FAT1: variants seen among roughly 807,000 people sequenced by gnomAD.
The protein encoded by FAT1 is FAT atypical cadherin 1, also known as protocadherin Fat 1.
FAT1 carries 171 observed loss-of-function variants against 329.8 expected under a neutral mutation model. The observed-to-expected ratio is 0.52, with a 90% CI of 0.46 to 0.59. FAT1 has a LOEUF of 0.59. FAT1 is among the 20% of genes least tolerant of loss of function. FAT1 has a pLI of 0.00. For synonymous variants in FAT1, 2,233 were observed against 2,228.6 expected, an observed-to-expected ratio of 1.00 and a Z score of -0.06; for missense variants, 5,672 against 5,774.4, an observed-to-expected ratio of 0.98 and a Z score of 0.57.
At chr4:186,632,597 A>C (rs1004190498) in intron 7 of FAT1, among the ~76,000 whole-genome samples, 2 of 152,220 alleles carry the variant, frequency 1.3e-5, no homozygotes, top group Non-Finnish European at 2.9e-5. Context: ...AAATGACCCC[A>C]AAAGCATATA....
intron 3 of FAT1, among the ~76,000 whole-genome samples, chr4:186,660,659 A>G (rs1201775441): frequency 6.6e-6 from 1 of 152,194 alleles, no homozygotes; most frequent in Non-Finnish European, 1.5e-5. Context: ...GAGAGGGTTT[A>G]TTCCTTCTGA....
intron 3 of FAT1, among the ~76,000 whole-genome samples, chr4:186,641,992 G>A (rs1741119480): frequency 6.8e-6 from 1 of 146,186 alleles, no homozygotes. Context: ...GGGCGACAGA[G>A]CAAAACTCTG....
At chr4:186,650,141 G>A (rs925361314) in intron 3 of FAT1, among the ~76,000 whole-genome samples, 9 of 152,166 alleles carry the variant, frequency 5.9e-5, no homozygotes, top group African/African-American at 2.2e-4. Flanking sequence ...ATTCCCAAGT[G>A]GAGTCATGCT....
In FAT1 at chr4:186,621,247, A is replaced by G; in HGVS notation, c.5339T>C (p.Ile1780Thr). ...CCTGTCTGTTAGGACCACGCTGTTAATTGAGGCTGATTCACTAATGAGTCC... is the reference window on the plus strand; with the variant it reads ...CCTGTCTGTTAGGACCACGCTGTTAGTTGAGGCTGATTCACTAATGAGTCC... ...YTGLISESAS[I>T]NSVVLTDRNV... Residue 1780 changes from isoleucine to threonine, a missense_variant, in exon 10 of 27, where the codon ATT (isoleucine) becomes ACT (threonine). By Grantham distance (89) the Ile-to-Thr change is moderately conservative (BLOSUM62 -1). Coordinates refer to ENST00000441802, the MANE Select transcript of FAT1 (RefSeq NM_005245.4). 6.2e-7 allele frequency: 1 copy of G among 1,614,038 alleles called. No individual in the cohort carries two copies.
At chr4:186,602,840 A>G (rs1002992943) in intron 20 of FAT1, 63 bp downstream of exon 20, 13 of 1,528,332 alleles carry the variant, frequency 8.5e-6, no homozygotes, top group Non-Finnish European at 1.2e-5. Flanking sequence ...AAAGAAGAAA[A>G]TGGTAAGAAA....
At chr4:186,672,762 C>T (rs982224847) in intron 2 of FAT1, among the ~76,000 whole-genome samples, 1 of 152,200 alleles carries the variant, frequency 6.6e-6, no homozygotes, top group Non-Finnish European at 1.5e-5. Context: ...CCCTAAAAGT[C>T]AGGTTCCAGA....
At chr4:186,668,335 TGA>T (rs1742558335) in intron 2 of FAT1, among the ~76,000 whole-genome samples, 1 of 151,818 alleles carries the variant, frequency 6.6e-6, no homozygotes. Context: ...GATGGCTGAG[TGA>T]GAGTCTAGAT....
Position 186,683,950 on chromosome 4 carries a change from A to C in FAT1, c.3266-20337T>G, listed in dbSNP as rs533348423. 5.3e-5 allele frequency among the ~76,000 whole-genome samples: 8 copies of C among 152,196 alleles called. No homozygotes were observed. In the South Asian group the frequency reaches 1.2e-3, roughly 24 times the overall value. On this transcript the variant is annotated intron_variant, in intron 2 of 26. Transcript: ENST00000441802. Reference sequence around the variant, plus strand: ...AATAGTTAACAAAACTGAGTTTTTCAGCTGTTTTTCAATAGCTACAAAACA... The same window carrying C: ...AATAGTTAACAAAACTGAGTTTTTCCGCTGTTTTTCAATAGCTACAAAACA...
At chr4:186,657,362 G>A (rs1331974191) in intron 3 of FAT1, among the ~76,000 whole-genome samples, 5 of 152,130 alleles carry the variant, frequency 3.3e-5, no homozygotes, top group Non-Finnish European at 5.9e-5. Context: ...ATAAACATGC[G>A]AAGTATAAGA....
chr4:186,619,280 T>C lies in FAT1; in HGVS notation c.7306A>G (p.Lys2436Glu). 1.2e-6 allele frequency: 2 copies of C among 1,614,030 alleles called. No homozygotes were observed. The highest frequency in any genetic ancestry group is 1.7e-6 in the Non-Finnish European group (2 of 1,179,902). Residue 2436 changes from lysine (K) to glutamate (E), a missense_variant, in exon 10 of 27, where the codon AAA becomes GAA. Physicochemically the swap from Lys to Glu is moderately conservative, Grantham distance 56. Coordinates refer to ENST00000441802, the MANE Select transcript of FAT1 (RefSeq NM_005245.4). Reference sequence around the variant, plus strand: ...GTTGCACTGTCAATGACAAAATGTTTATGATCATTGCCAGACAGAATGGAA... The same window carrying C: ...GTTGCACTGTCAATGACAAAATGTTCATGATCATTGCCAGACAGAATGGAA... ...QYSILSGNDH[K>E]HFVIDSATGI... is the part of the protein sequence containing the mutation.
intron 1 of FAT1, among the ~76,000 whole-genome samples, chr4:186,716,971 C>T (rs1381918627): frequency 2.6e-5 from 4 of 152,018 alleles, no homozygotes; most frequent in Non-Finnish European, 5.9e-5. Flanking sequence ...TTAGTAGAGA[C>T]GGCCAGGCTA....
intron 2 of FAT1, among the ~76,000 whole-genome samples, chr4:186,692,707 AT>A (rs1213428056): frequency 1.3e-5 from 2 of 151,272 alleles, no homozygotes; most frequent in African/African-American, 4.9e-5. Flanking sequence ...TTCGGTGTCT[AT>A]TTCCACGCCC....
rs150034185 is a variant in FAT1, at chr4:186,603,446, C to T, written c.11080G>A (p.Val3694Ile). ...CCTGGTTTCTCTACAAAAAGTAAGA[C>T]GTCCAGATGTGGGTGAGGTTCAGAG... ...QSSEPHPHLD[V>I]LLFVEKPGSA... The change falls in exon 19 of 27, where the codon GTC becomes ATC. Residue 3694 changes from valine (V) to isoleucine (I), a missense_variant. Val to Ile is a conservative substitution (Grantham distance 29, BLOSUM62 3). This residue lies in a region of FAT1 where 1,706 missense variants were observed against 1,859.1 expected (regional missense o/e 0.92). Transcript: ENST00000441802. The T allele has an allele frequency of 1.2e-4, 197 of 1,614,004 alleles. No individual in the cohort carries two copies. In the East Asian group the frequency reaches 1.6e-3, roughly 13 times the overall value.
At chr4:186,605,433 G>A (rs1739073292) in intron 17 of FAT1, among the ~76,000 whole-genome samples, 1 of 136,174 alleles carries the variant, frequency 7.3e-6, no homozygotes, top group African/African-American at 2.8e-5. Context: ...GGAGGTTGGG[G>A]GAGGAGGTGG....
At position 186,621,039 on chromosome 4, in the gene FAT1, C is replaced by T. The variant is rs1363108470; in HGVS notation, c.5547G>A (p.Val1849=). 1.2e-6 allele frequency: 2 copies of T among 1,612,720 alleles called. No individual in the cohort carries two copies. Among genetic ancestry groups the T allele is most frequent in the South Asian group, 1.1e-5 (1 of 91,060 alleles). The part of the protein sequence containing the change: ...ETSIFHFTVQ[V]HDMGTPRLFA... The stretch of plus-strand genomic sequence containing the variant: ...ATAAACGTGGGGTTCCCATGTCATG[C>T]ACTTGGACGGTAAAGTGAAAAATAC... The change falls in exon 10 of 27, where the codon GTG becomes GTA. Residue 1849 remains valine, a synonymous_variant. Transcript: ENST00000441802.
chr4:186,697,540 T>C (rs1744097976), intron 2 of FAT1, among the ~76,000 whole-genome samples: 1 of 152,232 alleles, frequency 6.6e-6, no homozygotes, highest in African/African-American at 2.4e-5. Context: ...CTTATTTCAC[T>C]TGGAAACAGC....
In FAT1 at chr4:186,630,349, G is replaced by C. The variant is rs148399484; in HGVS notation, c.4324-1586C>G. Among the ~76,000 whole-genome samples the C allele has an allele frequency of 4.4e-3, 664 of 152,218 alleles. 1 individual carries two copies. Among genetic ancestry groups the C allele is most frequent in the Admixed American group, 7.1e-3 (108 of 15,290 alleles). On this transcript the variant is annotated intron_variant, in intron 7 of 26. Transcript: ENST00000441802. The stretch of plus-strand genomic sequence containing the variant: ...CGTCAACGACATGAAGGCAAGCAGT[G>C]GGACGGAACATCCTGCCTTTCAGAG...
chr4:186,587,956 T>C lies in FAT1; in HGVS notation c.*636A>G, dbSNP rs967781203. On this transcript the variant is annotated 3_prime_UTR_variant, in exon 27 of 27. Coordinates refer to ENST00000441802, the MANE Select transcript of FAT1 (RefSeq NM_005245.4). ...TATGCAGAAGGTCCCCGTTACACTT[T>C]CCAATAATGAAAAATGTTTATAATT... 5 of 217,556 alleles carry C rather than the reference T, an allele frequency of 2.3e-5. No homozygotes were observed. Among genetic ancestry groups the C allele is most frequent in the South Asian group, 1.8e-4 (1 of 5,406 alleles). 13.5% of individuals were successfully genotyped at this position (217,556 alleles called of 1,614,324 possible).
rs2126701518 is a variant in FAT1 at position 186,709,098 on chromosome 4, T to A, written c.730A>T (p.Thr244Ser). The part of the protein sequence containing the change: ...SSGISSMAKL[T>S]VHIEQANECA... ...TCATTGGCCTGTTCGATGTGCACCG[T>A]TAGCTTGGCCATGCTGCTGATGCCA... is the stretch of plus-strand genomic sequence containing the variant. The change falls in exon 2 of 27, where the codon ACG becomes TCG. Residue 244 changes from threonine to serine, a missense_variant. Physicochemically the swap from Thr to Ser is moderately conservative, Grantham distance 58 (BLOSUM62 1). Coordinates refer to ENST00000441802, the MANE Select transcript of FAT1 (RefSeq NM_005245.4). 6.2e-7 allele frequency: 1 copy of A among 1,613,826 alleles called. No individual in the cohort carries two copies. Among genetic ancestry groups the A allele is most frequent in the Non-Finnish European group, 8.5e-7 (1 of 1,179,734 alleles).
Sources: gnomAD v4.1 joint callset for allele counts (sites outside exome capture counted in the v4.1 genomes callset) on GRCh38, gnomAD v4.1.1 for gene constraint, gnomAD v4.1.1 regional missense constraint, MANE v1.5 for transcripts, NCBI Gene and HGNC (gene_info 2026-07-23, HGNC 2026-07-21) for gene names.